GPT2: variants seen among roughly 807,000 people sequenced by gnomAD.
GPT2 encodes the protein glutamic--pyruvic transaminase 2, also known as alanine aminotransferase 2.
GPT2 carries 30 observed loss-of-function variants against 56.9 expected under a neutral mutation model. That is an observed-to-expected ratio of 0.53 (90% CI 0.39 to 0.72). The LOEUF (loss-of-function observed/expected upper bound fraction) is 0.72, where lower values mean the gene tolerates loss of function less well. Ranked by LOEUF, GPT2 falls within the 30% of genes least tolerant of loss-of-function variation. The probability of loss-of-function intolerance (pLI) is 0.00; values close to 1 mark genes in which losing one functional copy is unlikely to be tolerated. For synonymous variants in GPT2, 271 were observed against 283.1 expected, an observed-to-expected ratio of 0.96 and a Z score of 0.43; for missense variants, 542 against 703.4, an observed-to-expected ratio of 0.77 and a Z score of 2.60.
At chr16:46,927,484 G>A (rs1304386642) in intron 11 of GPT2, among the ~76,000 whole-genome samples, 1 of 152,190 alleles carries the variant, frequency 6.6e-6, no homozygotes, top group East Asian at 1.9e-4. Context: ...AACTGCAGGG[G>A]AATTTGCTCC....
chr16:46,928,773 C>T, intron 11 of GPT2, 134 bp from the exon 12 acceptor site: 1 of 668,826 alleles, frequency 1.5e-6, no homozygotes, highest in African/African-American at 1.8e-5. Flanking sequence ...GTGCTGGGTG[C>T]TGTCCGGGCT....
At chr16:46,900,440 A>G (rs1960793569) in intron 3 of GPT2, among the ~76,000 whole-genome samples, 1 of 152,096 alleles carries the variant, frequency 6.6e-6, no homozygotes, top group South Asian at 2.1e-4. Context: ...CATTCTGATC[A>G]TTGGCTTCTC....
At chr16:46,916,849 T>G in intron 7 of GPT2, 142 bp downstream of exon 7, 1 of 658,524 alleles carries the variant, frequency 1.5e-6, no homozygotes, top group South Asian at 1.8e-5. Context: ...ATATTTAGTT[T>G]TACAACTTGT....
At chr16:46,894,898 C>T (rs1960657093) in intron 2 of GPT2, among the ~76,000 whole-genome samples, 1 of 152,118 alleles carries the variant, frequency 6.6e-6, no homozygotes, top group African/African-American at 2.4e-5. Flanking sequence ...ATCTGCTGAC[C>T]TCGTGATCCG....
intron 4 of GPT2, 125 bp downstream of exon 4, chr16:46,900,915 C>G (rs987878791): frequency 4.3e-6 from 3 of 696,886 alleles, no homozygotes; most frequent in Non-Finnish European, 7.4e-6. Context: ...GCTGACAGCA[C>G]ACAGAGTAAA....
chr16:46,906,128 C>T (rs980266599), intron 4 of GPT2, among the ~76,000 whole-genome samples: 1 of 152,140 alleles, frequency 6.6e-6, no homozygotes, highest in African/African-American at 2.4e-5. Context: ...GGCTGGAGTG[C>T]AGTGGTGTCA....
intron 8 of GPT2, among the ~76,000 whole-genome samples, chr16:46,920,120 G>A (rs753777818): frequency 1.3e-5 from 2 of 152,186 alleles, no homozygotes; most frequent in Non-Finnish European, 2.9e-5. Context: ...TGGGAGGATC[G>A]CTTAAGCCCA....
At chr16:46,898,992 A>ACACACAC (rs1355515495) in intron 3 of GPT2, among the ~76,000 whole-genome samples, 1 of 62,324 alleles carries the variant, frequency 1.6e-5, no homozygotes, top group African/African-American at 4.9e-5. Flanking sequence ...ATATATATAT[A>ACACACAC]ACACACATAT....
At chr16:46,887,851 G>A (rs1426438354) in intron 2 of GPT2, among the ~76,000 whole-genome samples, 2 of 152,130 alleles carry the variant, frequency 1.3e-5, no homozygotes, top group Admixed American at 6.5e-5. Flanking sequence ...TGAAGGAGGT[G>A]GGGAGGTCGG....
chr16:46,916,785 C>A, intron 7 of GPT2, 78 bp downstream of exon 7: 1 of 983,912 alleles, frequency 1.0e-6, no homozygotes, highest in Non-Finnish European at 1.6e-6. Context: ...CATTGTTCTG[C>A]AGCCAGAGAG....
At chr16:46,902,142 GTT>G (rs1443880805) in intron 4 of GPT2, among the ~76,000 whole-genome samples, 1 of 152,226 alleles carries the variant, frequency 6.6e-6, no homozygotes, top group Non-Finnish European at 1.5e-5. Flanking sequence ...TCATCAACAG[GTT>G]TTTGCAACTT....
At chr16:46,893,019 A>C (rs932005962) in intron 2 of GPT2, among the ~76,000 whole-genome samples, 1 of 152,248 alleles carries the variant, frequency 6.6e-6, no homozygotes. Flanking sequence ...TACGTAGTAC[A>C]TATTGTGTAA....
At chr16:46,888,236 G>C (rs1960521879) in intron 2 of GPT2, among the ~76,000 whole-genome samples, 1 of 152,258 alleles carries the variant, frequency 6.6e-6, no homozygotes, top group Admixed American at 6.5e-5. Flanking sequence ...GGTAAAAGCA[G>C]AGGGTGCTAA....
intron 5 of GPT2, among the ~76,000 whole-genome samples, chr16:46,907,851 G>T (rs1054428886): frequency 6.6e-6 from 1 of 152,204 alleles, no homozygotes. Context: ...TCGGGCTGGG[G>T]TCAGCTACCG....
chr16:46,928,506 C>A (rs972559698), intron 11 of GPT2, among the ~76,000 whole-genome samples: 2 of 151,784 alleles, frequency 1.3e-5, no homozygotes, highest in African/African-American at 4.8e-5. Context: ...ATCTGTAATC[C>A]CAGCTACTCG....
intron 2 of GPT2, chr16:46,885,562 G>C: frequency 1.0e-6 from 1 of 985,082 alleles, no homozygotes; most frequent in Non-Finnish European, 1.2e-6. Flanking sequence ...TCTGTGGTCT[G>C]GGGACAGTCA....
chr16:46,930,337 G>C lies in GPT2; in HGVS notation c.*1340G>C, dbSNP rs560658060. 1 of 152,402 alleles carries C rather than the reference G, an allele frequency of 6.6e-6. No homozygotes were observed. Among genetic ancestry groups the C allele is most frequent in the South Asian group, 2.1e-4 (1 of 4,832 alleles). 9.4% of individuals were successfully genotyped at this position (152,402 alleles called of 1,614,324 possible). A position where few individuals can be genotyped will look rare whatever the true frequency, so the allele number is the denominator to read the frequency against. ...CCATCCTCCCTGCCTTCCCCAGTGG[G>C]AAGTTAGGGAAGCTCAGGAGCCTGG... is the stretch of plus-strand genomic sequence containing the variant. On this transcript the variant is annotated 3_prime_UTR_variant, in exon 12 of 12. Coordinates refer to ENST00000340124, the MANE Select transcript of GPT2 (RefSeq NM_133443.4).
chr16:46,887,116 C>G (rs904071250), intron 2 of GPT2, among the ~76,000 whole-genome samples: 1 of 152,142 alleles, frequency 6.6e-6, no homozygotes, highest in African/African-American at 2.4e-5. Context: ...TTCTGGCTTG[C>G]CTTCTCCTTG....
At chr16:46,897,055 C>T (rs1342381938) in intron 2 of GPT2, among the ~76,000 whole-genome samples, 1 of 152,158 alleles carries the variant, frequency 6.6e-6, no homozygotes, top group African/African-American at 2.4e-5. Context: ...GAGTGAGACC[C>T]TGTCTCTACA....
Sources: gnomAD v4.1 joint callset for allele counts (sites outside exome capture counted in the v4.1 genomes callset) on GRCh38, gnomAD v4.1.1 for gene constraint, MANE v1.5 for transcripts, NCBI Gene and HGNC (gene_info 2026-07-23, HGNC 2026-07-21) for gene names.